Variants in DHX30 observed in about 807,000 individuals in gnomAD.
DHX30 encodes DExH-box helicase 30.
DHX30 carries 4 observed loss-of-function variants against 116.9 expected under a neutral mutation model. The ratio of observed to expected loss-of-function variants is 0.03; its 90% CI spans 0.02 to 0.08. The LOEUF (loss-of-function observed/expected upper bound fraction) is 0.08. DHX30 is among the 10% of genes least tolerant of loss of function. The probability of loss-of-function intolerance (pLI) is 1.00; values close to 1 mark genes in which losing one functional copy is unlikely to be tolerated. For synonymous variants in DHX30, 697 were observed against 651.7 expected, an observed-to-expected ratio of 1.07 and a Z score of -1.06; for missense variants, 871 against 1,595.1, an observed-to-expected ratio of 0.55 and a Z score of 7.73.
chr3:47,825,394 C>T (rs971382445), intron 4 of DHX30: 4 of 525,072 alleles, frequency 7.6e-6, no homozygotes, highest in Non-Finnish European at 1.3e-5. Context: ...CGGGCAGCGG[C>T]CTTGCTGTTT....
chr3:47,812,663 C>CTT (rs767722186), intron 3 of DHX30, among the ~76,000 whole-genome samples: 2 of 141,018 alleles, frequency 1.4e-5, no homozygotes, highest in African/African-American at 2.6e-5. Flanking sequence ...ATTACATTTC[C>CTT]TTTTTTTTTT....
chr3:47,845,666 G>C, intron 9 of DHX30, 34 bp from the exon 10 acceptor site: 1 of 1,538,444 alleles, frequency 6.5e-7, no homozygotes, highest in Non-Finnish European at 8.8e-7. Context: ...GGGAGCCCCA[G>C]AGCATAGACT....
At chr3:47,825,092 T>G in intron 4 of DHX30, 2 of 671,166 alleles carry the variant, frequency 3.0e-6, no homozygotes. Flanking sequence ...TCTCCGCGCC[T>G]GCAGCCGCTG....
chr3:47,814,732 G>A (rs767905503), intron 3 of DHX30, among the ~76,000 whole-genome samples: 28 of 152,052 alleles, frequency 1.8e-4, no homozygotes, highest in Non-Finnish European at 3.4e-4. Flanking sequence ...ATGTTAGCCA[G>A]GATGGCCTCA....
intron 6 of DHX30, among the ~76,000 whole-genome samples, chr3:47,839,872 G>T (rs550494582): frequency 3.9e-4 from 58 of 149,782 alleles, no homozygotes; most frequent in Admixed American, 1.1e-3. Flanking sequence ...ATGGGGTTTC[G>T]CCATGTTGGC....
At position 47,848,612 on chromosome 3, in the gene DHX30, G is replaced by T. The variant is rs1173582201; in HGVS notation, c.2576-12G>T. The T allele has an allele frequency of 1.2e-6, 2 of 1,614,064 alleles. No homozygotes were observed. Among genetic ancestry groups the T allele is most frequent in the Admixed American group, 1.7e-5 (1 of 60,016 alleles). Reference sequence around the variant, plus strand: ...GCTCTCGAGGGTGGTACTGACAGCTGAGCCGTTGCAGGGGTGCTGGACCAG... The same window carrying T: ...GCTCTCGAGGGTGGTACTGACAGCTTAGCCGTTGCAGGGGTGCTGGACCAG... On this transcript the variant is annotated splice_polypyrimidine_tract_variant and intron_variant, in intron 16 of 21. Transcript: ENST00000445061. This position sits in a 1 kb window ranked among gnomAD's most constrained non-coding sequence, Gnocchi z 9.4.
chr3:47,831,924 C>CTTTTTTTTTTTT (rs1448275730), intron 6 of DHX30, among the ~76,000 whole-genome samples: 1 of 120,380 alleles, frequency 8.3e-6, no homozygotes, highest in South Asian at 2.6e-4. Flanking sequence ...AGGCCTTTTC[C>CTTTTTTTTTTTT]TTTTTCTTTT....
chr3:47,814,677 C>T (rs1171069112), intron 3 of DHX30, among the ~76,000 whole-genome samples: 1 of 151,688 alleles, frequency 6.6e-6, no homozygotes, highest in Non-Finnish European at 1.5e-5. Context: ...CCAGCCACCA[C>T]GCCTGGCTAA....
Position 47,850,122 on chromosome 3 carries a change from C to G in DHX30, c.*2C>G, listed in dbSNP as rs377083667. On this transcript the variant is annotated 3_prime_UTR_variant, in exon 22 of 22. Coordinates refer to ENST00000445061, the MANE Select transcript of DHX30 (RefSeq NM_138615.3). ...GTGCGCAAGACAGCTGACGACTGAGCCCTGCTTCTGCTGGGGCTGTGTACA... is the reference window on the plus strand; with the variant it reads ...GTGCGCAAGACAGCTGACGACTGAGGCCTGCTTCTGCTGGGGCTGTGTACA... 1 of 1,583,348 alleles carries G rather than the reference C, an allele frequency of 6.3e-7. No individual in the cohort carries two copies. Among genetic ancestry groups the G allele is most frequent in the East Asian group, 2.3e-5 (1 of 44,108 alleles).
chr3:47,816,647 C>T (rs1429645476), intron 3 of DHX30: 8 of 985,302 alleles, frequency 8.1e-6, no homozygotes, highest in Middle Eastern at 5.2e-4. Flanking sequence ...TGAGCCACCG[C>T]GCCGGGCTAC....
chr3:47,831,961 C>T (rs1188681311), intron 6 of DHX30, among the ~76,000 whole-genome samples: 1 of 146,720 alleles, frequency 6.8e-6, no homozygotes, highest in African/African-American at 2.5e-5. Flanking sequence ...TCCTCTCTCC[C>T]ATCGTCTTGG....
At chr3:47,808,392 AT>A (rs1184457777) in intron 2 of DHX30, among the ~76,000 whole-genome samples, 2 of 149,432 alleles carry the variant, frequency 1.3e-5, no homozygotes, top group African/African-American at 4.9e-5. Flanking sequence ...AATTCTGAAA[AT>A]TTTTTTTAGA....
At chr3:47,818,664 G>A (rs1248675027) in intron 4 of DHX30, among the ~76,000 whole-genome samples, 1 of 152,140 alleles carries the variant, frequency 6.6e-6, no homozygotes, top group Non-Finnish European at 1.5e-5. Context: ...GAATGTTAGA[G>A]CACCAGGTAA....
At chr3:47,810,581 A>G in intron 2 of DHX30, 76 bp from the exon 3 acceptor site, 1 of 1,176,108 alleles carries the variant, frequency 8.5e-7, no homozygotes. Context: ...AGTGCTCTCC[A>G]TGTTACTGAA....
chr3:47,814,907 G>A (rs1404316102), intron 3 of DHX30, among the ~76,000 whole-genome samples: 1 of 147,824 alleles, frequency 6.8e-6, no homozygotes, highest in Admixed American at 6.7e-5. Flanking sequence ...TTTTTTTGGT[G>A]GAAACAGGGT....
At chr3:47,809,034 G>A (rs1205925230) in intron 2 of DHX30, among the ~76,000 whole-genome samples, 3 of 151,648 alleles carry the variant, frequency 2.0e-5, no homozygotes, top group African/African-American at 4.8e-5. Flanking sequence ...GATTACAGGC[G>A]CCTGCCACCG....
intron 6 of DHX30, among the ~76,000 whole-genome samples, chr3:47,832,938 C>G (rs2036927276): frequency 6.9e-6 from 1 of 144,782 alleles, no homozygotes; most frequent in African/African-American, 2.5e-5. Context: ...TGTGCCTGGC[C>G]TCTTTTTTTT....
intron 3 of DHX30, among the ~76,000 whole-genome samples, chr3:47,814,436 A>C (rs2035951197): frequency 6.7e-6 from 1 of 150,288 alleles, no homozygotes; most frequent in South Asian, 2.1e-4. Context: ...AAACAAAAAA[A>C]AAAAAAAAAA....
In DHX30 at chr3:47,848,823, T is replaced by C. The variant is rs758087842; in HGVS notation, c.2769+6T>C. ...ACCGGGCAGAGGTGGACAAGGTCAGTCCTGGCTCCTTCCTGGAGCCGTCCA... is the reference window on the plus strand; with the variant it reads ...ACCGGGCAGAGGTGGACAAGGTCAGCCCTGGCTCCTTCCTGGAGCCGTCCA... On this transcript the variant is annotated splice_donor_region_variant and intron_variant, in intron 17 of 21. Transcript: ENST00000445061. This position sits in a 1 kb window ranked among gnomAD's most constrained non-coding sequence, Gnocchi z 9.4. The C allele has an allele frequency of 8.7e-6, 14 of 1,605,888 alleles. No individual in the cohort carries two copies. Among genetic ancestry groups the C allele is most frequent in the Non-Finnish European group, 1.2e-5 (14 of 1,173,174 alleles).
Sources: gnomAD v4.1 joint callset for allele counts (sites outside exome capture counted in the v4.1 genomes callset) on GRCh38, gnomAD v4.1.1 for gene constraint, Gnocchi (gnomAD v3.1) non-coding constraint, MANE v1.5 for transcripts, NCBI Gene and HGNC (gene_info 2026-07-23, HGNC 2026-07-21) for gene names.